The following TDRD5 variants were observed in gnomAD, a reference collection of about 807,000 sequenced individuals.
The protein encoded by TDRD5 is tudor domain-containing protein 5.
In TDRD5, 41 loss-of-function variants were observed where a neutral mutation model predicts 120.6. That is an observed-to-expected ratio of 0.34 (90% CI 0.26 to 0.44). TDRD5 has a LOEUF of 0.44. Among genes scored for constraint, TDRD5 ranks in the 20% least tolerant of loss-of-function variants. The pLI, the probability that TDRD5 is intolerant of heterozygous loss-of-function variation, is 1.00. For synonymous variants in TDRD5, 430 were observed against 433.7 expected, an observed-to-expected ratio of 0.99 and a Z score of 0.11; for missense variants, 1,006 against 1,221.2, an observed-to-expected ratio of 0.82 and a Z score of 2.63.
At chr1:179,634,409 T>A (rs971339113) in intron 7 of TDRD5, 48 bp from the exon 8 acceptor site, 3 of 1,560,742 alleles carry the variant, frequency 1.9e-6, no homozygotes, top group Admixed American at 2.1e-5. Context: ...GCTGCTCTAT[T>A]GGCCATTTGA....
intron 6 of TDRD5, among the ~76,000 whole-genome samples, chr1:179,629,641 A>G (rs1677325586): frequency 1.3e-5 from 2 of 152,240 alleles, no homozygotes; most frequent in Non-Finnish European, 1.5e-5. Context: ...GATGCAAAAT[A>G]TGAAGACTGA....
intron 11 of TDRD5, among the ~76,000 whole-genome samples, chr1:179,645,378 C>T (rs1474664609): frequency 6.6e-6 from 1 of 152,136 alleles, no homozygotes; most frequent in East Asian, 1.9e-4. Flanking sequence ...AGCCACCGCG[C>T]CCGGCCATAA....
chr1:179,639,389 A>G (rs907122577), intron 9 of TDRD5, among the ~76,000 whole-genome samples: 1 of 152,214 alleles, frequency 6.6e-6, no homozygotes, highest in Admixed American at 6.5e-5. Flanking sequence ...GAGCCAATAA[A>G]AAAAATAACT....
At position 179,654,322 on chromosome 1, in the gene TDRD5, G is replaced by A; in HGVS notation, c.2282G>A (p.Trp761Ter). 1 of 1,547,518 alleles carries A rather than the reference G, an allele frequency of 6.5e-7. No homozygotes were observed. The highest frequency in any genetic ancestry group is 8.7e-7 in the Non-Finnish European group (1 of 1,145,538). ...CNKSFEEDPK[W>*]SNPEPNDLKE... ...AAGAGCTTTGAAGAAGATCCAAAGT[G>A]GTCCAACCCAGAACCAAACGATCTG... is the stretch of plus-strand genomic sequence containing the variant. Residue 761 changes from tryptophan to a stop codon, truncating the protein, a stop_gained, in exon 14 of 18, where the codon TGG becomes TAG. Transcript: ENST00000444136. LOFTEE classifies it high-confidence loss of function.
Position 179,635,716 on chromosome 1 carries a change from A to G in TDRD5, c.1349A>G (p.Asp450Gly), listed in dbSNP as rs1677727162. The G allele has an allele frequency of 6.2e-7, 1 of 1,614,104 alleles. No homozygotes were observed. Among genetic ancestry groups the G allele is most frequent in the East Asian group, 2.2e-5 (1 of 44,880 alleles). Residue 450 changes from aspartate to glycine, a missense_variant, in exon 9 of 18, where the codon GAC becomes GGC. By Grantham distance (94) the Asp-to-Gly change is moderately conservative. Around this residue, in one of 3 missense-constraint regions of TDRD5, gnomAD observed 158 missense variants for 257.5 expected, o/e 0.61. Transcript: ENST00000444136. ...CTCAACTTGGCAATGGCAAATCATG[A>G]CATCCCGCCAGACGCTGTGCCGAAC... ...SELNLAMANHDIPPDAVPNKK... is the reference protein window; with the variant it reads ...SELNLAMANHGIPPDAVPNKK...
rs559462510 is a variant in TDRD5 at position 179,661,728 on chromosome 1, C to T, written c.2323-376C>T. 5.3e-5 allele frequency among the ~76,000 whole-genome samples: 8 copies of T among 152,202 alleles called. No individual in the cohort carries two copies. The East Asian group carries it at 1.5e-3, about 29-fold the overall frequency. ...TGTTTTCATTCCCATTTTACCCCCT[C>T]AATTCCAAAAACCTTTTAGTACAAA... On this transcript the variant is annotated intron_variant, in intron 14 of 17. Transcript: ENST00000444136.
At chr1:179,633,135 A>G (rs1300726611) in intron 7 of TDRD5, among the ~76,000 whole-genome samples, 2 of 152,142 alleles carry the variant, frequency 1.3e-5, no homozygotes, top group African/African-American at 4.8e-5. Flanking sequence ...TTCATATACT[A>G]TGGGTGTTTT....
chr1:179,677,535 C>T (rs1260329276), intron 17 of TDRD5, among the ~76,000 whole-genome samples: 1 of 152,178 alleles, frequency 6.6e-6, no homozygotes, highest in Admixed American at 6.5e-5. Flanking sequence ...TCTTTTGTCC[C>T]ACGGGATGCT....
At chr1:179,614,865 C>T (rs897228512) in intron 4 of TDRD5, among the ~76,000 whole-genome samples, 1 of 152,044 alleles carries the variant, frequency 6.6e-6, no homozygotes, top group African/African-American at 2.4e-5. Flanking sequence ...ACATGTATTA[C>T]CTCACATACT....
intron 4 of TDRD5, among the ~76,000 whole-genome samples, chr1:179,598,777 TAG>T (rs1212332593): frequency 2.0e-5 from 3 of 152,004 alleles, no homozygotes; most frequent in Non-Finnish European, 2.9e-5. Context: ...AGCTATTTTG[TAG>T]AGTTTGGATT....
In TDRD5 at chr1:179,594,947, G is replaced by T. The variant is rs189924072; in HGVS notation, c.641-681G>T. On this transcript the variant is annotated intron_variant, in intron 3 of 17. Transcript: ENST00000444136. ...GCACTTTACCAATTTATTGAATAGT[G>T]GGGGGTGAATATTCCTTTCCAGTGA... Among the ~76,000 whole-genome samples, 764 of 152,312 alleles carry T rather than the reference G, an allele frequency of 5.0e-3. 1 individual carries two copies. The highest frequency in any genetic ancestry group is 0.017 in the Middle Eastern group (5 of 292).
chr1:179,593,161 A>G (rs1399040461), intron 2 of TDRD5, among the ~76,000 whole-genome samples: 6 of 152,246 alleles, frequency 3.9e-5, no homozygotes, highest in African/African-American at 1.4e-4. Context: ...AATTTCGTGA[A>G]GCACAAGAAA....
At chr1:179,671,775 A>G (rs1416436401) in intron 17 of TDRD5, among the ~76,000 whole-genome samples, 1 of 152,118 alleles carries the variant, frequency 6.6e-6, no homozygotes, top group Admixed American at 6.6e-5. Context: ...AGTCCAATGT[A>G]TCATTTTTAT....
At chr1:179,593,891 A>C (rs1325545267) in intron 3 of TDRD5, 24 bp downstream of exon 3, 1 of 1,602,866 alleles carries the variant, frequency 6.2e-7, no homozygotes, top group African/African-American at 1.3e-5. Flanking sequence ...CAAATGTTGG[A>C]GCAGTCATGG....
chr1:179,657,579 A>G (rs1679069629), intron 14 of TDRD5, among the ~76,000 whole-genome samples: 1 of 151,770 alleles, frequency 6.6e-6, no homozygotes, highest in Non-Finnish European at 1.5e-5. Flanking sequence ...GTTTTCTTGT[A>G]TTGTCTTTGG....
intron 16 of TDRD5, among the ~76,000 whole-genome samples, chr1:179,668,355 A>G (rs1030058736): frequency 6.6e-6 from 1 of 152,114 alleles, no homozygotes; most frequent in African/African-American, 2.4e-5. Context: ...ATCCTGTCTG[A>G]CTGGGAGGTG....
In TDRD5 at chr1:179,652,018, C is replaced by G. The variant is rs776032656; in HGVS notation, c.2002-21C>G. ...GTTGGTCATGTAAATTAAACCATCC[C>G]TTTTCTTTTTTTAATCTTAGGGTTT... is the stretch of plus-strand genomic sequence containing the variant. On this transcript the variant is annotated intron_variant, in intron 12 of 17. Transcript: ENST00000444136. 51 of 1,606,972 alleles carry G rather than the reference C, an allele frequency of 3.2e-5. No individual in the cohort carries two copies. The Middle Eastern group carries it at 1.3e-3, about 42-fold the overall frequency.
In TDRD5 at chr1:179,593,504, A is replaced by G; in HGVS notation, c.277A>G (p.Lys93Glu). 1 of 1,614,152 alleles carries G rather than the reference A, an allele frequency of 6.2e-7. No individual in the cohort carries two copies. The highest frequency in any genetic ancestry group is 8.5e-7 in the Non-Finnish European group (1 of 1,179,964). The change falls in exon 3 of 18, where the codon AAA (lysine) becomes GAA (glutamate). Residue 93 changes from lysine (K) to glutamate (E), a missense_variant. Around this residue, in one of 3 missense-constraint regions of TDRD5, gnomAD observed 445 missense variants for 515.5 expected, o/e 0.86. Coordinates refer to ENST00000444136, the MANE Select transcript of TDRD5 (RefSeq NM_001199085.3). ...CAAAGGAATAGCAAGCTTAGTTGCA[A>G]AACAGAGGAGCAGCCATAAGCTTCG... Reference protein sequence around the residue: ...STKGIASLVAKQRSSHKLRNS... With the variant: ...STKGIASLVAEQRSSHKLRNS...
intron 6 of TDRD5, among the ~76,000 whole-genome samples, chr1:179,626,957 T>G (rs544004204): frequency 1.3e-5 from 2 of 152,012 alleles, no homozygotes; most frequent in South Asian, 2.1e-4. Flanking sequence ...TCTGACAATA[T>G]CAACTCAGAA....
Sources: gnomAD v4.1 joint callset for allele counts (sites outside exome capture counted in the v4.1 genomes callset) on GRCh38, gnomAD v4.1.1 for gene constraint, gnomAD v4.1.1 regional missense constraint, MANE v1.5 for transcripts, NCBI Gene and HGNC (gene_info 2026-07-23, HGNC 2026-07-21) for gene names.